Variants in SCPPPQ1 observed in about 807,000 individuals in gnomAD.
SCPPPQ1 encodes secretory calcium-binding phosphoprotein proline- and glutamine-rich 1.
At chr4:87,467,816 G>A in the SCPPPQ1 span, among the ~76,000 whole-genome samples, 36 of 152,278 alleles carry the variant, frequency 2.4e-4, no homozygotes, top group African/African-American at 7.0e-4. Flanking sequence ...TACCAGGGGC[G>A]GTTGCGGAGG....
At chr4:87,468,831 T>C in the SCPPPQ1 span, among the ~76,000 whole-genome samples, 6 of 152,320 alleles carry the variant, frequency 3.9e-5, no homozygotes, top group Non-Finnish European at 7.4e-5. Context: ...GCAATACAAA[T>C]TGTTTGGAAT....
chr4:87,468,744 G>A, the SCPPPQ1 span, among the ~76,000 whole-genome samples: 1 of 152,220 alleles, frequency 6.6e-6, no homozygotes, highest in Non-Finnish European at 1.5e-5. Context: ...TTTCAGAGCT[G>A]CTGAAATATC....
chr4:87,467,288 A>G, the SCPPPQ1 span, among the ~76,000 whole-genome samples: 1 of 152,238 alleles, frequency 6.6e-6, no homozygotes, highest in Non-Finnish European at 1.5e-5. Flanking sequence ...TATATAGAAT[A>G]AAGGCAACTC....
chr4:87,470,154 C>G, the SCPPPQ1 span, among the ~76,000 whole-genome samples: 1 of 151,564 alleles, frequency 6.6e-6, no homozygotes, highest in Non-Finnish European at 1.5e-5. Context: ...TGGGGTCTTG[C>G]TATGTTGCCC....
the SCPPPQ1 span, among the ~76,000 whole-genome samples, chr4:87,469,768 A>G: frequency 2.6e-5 from 4 of 152,232 alleles, no homozygotes; most frequent in East Asian, 3.9e-4. Flanking sequence ...GCCTCCAAAC[A>G]TAGGTTTTGT....
At chr4:87,470,253 A>G in the SCPPPQ1 span, among the ~76,000 whole-genome samples, 1 of 152,206 alleles carries the variant, frequency 6.6e-6, no homozygotes, top group South Asian at 2.1e-4. Context: ...GGTGTGAGCC[A>G]CTGTGCTCAA....
At chr4:87,469,196 A>G in the SCPPPQ1 span, among the ~76,000 whole-genome samples, 1 of 152,168 alleles carries the variant, frequency 6.6e-6, no homozygotes, top group Non-Finnish European at 1.5e-5. Context: ...CTCAATTCAA[A>G]CTGCTTAATT....
chr4:87,468,300 T>G, the SCPPPQ1 span, among the ~76,000 whole-genome samples: 31 of 152,372 alleles, frequency 2.0e-4, no homozygotes, highest in African/African-American at 7.5e-4. Context: ...TACATGAATA[T>G]TTCCTTTTGT....
At chr4:87,465,491 C>G in the SCPPPQ1 span, among the ~76,000 whole-genome samples, 2 of 142,778 alleles carry the variant, frequency 1.4e-5, no homozygotes, top group African/African-American at 2.7e-5. Context: ...TTAAGTATTT[C>G]CTAAGGAAGC....
chr4:87,464,182 T>A, the SCPPPQ1 span, among the ~76,000 whole-genome samples: 1 of 152,154 alleles, frequency 6.6e-6, no homozygotes, highest in Non-Finnish European at 1.5e-5. Context: ...TTTACCGCGA[T>A]AAGATCATTA....
the SCPPPQ1 span, among the ~76,000 whole-genome samples, chr4:87,468,588 A>T: frequency 6.6e-6 from 1 of 152,168 alleles, no homozygotes; most frequent in Non-Finnish European, 1.5e-5. Context: ...GAAGTTAATG[A>T]TGTTCTGGGA....
At chr4:87,461,066 T>G in the SCPPPQ1 span, 1 of 152,638 alleles carries the variant, frequency 6.6e-6, no homozygotes, top group Admixed American at 6.5e-5. Flanking sequence ...TAATATTCCC[T>G]TCATACTTAT....
the SCPPPQ1 span, among the ~76,000 whole-genome samples, chr4:87,466,262 C>T: frequency 2.0e-5 from 3 of 151,788 alleles, no homozygotes; most frequent in South Asian, 2.1e-4. Context: ...GGTGGCTACA[C>T]GGGAGGCTGA....
the SCPPPQ1 span, among the ~76,000 whole-genome samples, chr4:87,466,657 G>T: frequency 6.6e-6 from 1 of 152,250 alleles, no homozygotes; most frequent in East Asian, 1.9e-4. Context: ...TATAAAAACA[G>T]TTACACAAAA....
chr4:87,470,847 G>GT, the SCPPPQ1 span, among the ~76,000 whole-genome samples: 2 of 151,834 alleles, frequency 1.3e-5, no homozygotes, highest in East Asian at 1.9e-4. Context: ...CCTTTTTCAT[G>GT]TTTTTTCTTT....
chr4:87,468,787 A>T, the SCPPPQ1 span, among the ~76,000 whole-genome samples: 1 of 152,256 alleles, frequency 6.6e-6, no homozygotes, highest in Non-Finnish European at 1.5e-5. Context: ...TGAAATATGT[A>T]TACTGCAGCA....
chr4:87,465,209 C>T, the SCPPPQ1 span, among the ~76,000 whole-genome samples: 3 of 152,124 alleles, frequency 2.0e-5, no homozygotes, highest in Admixed American at 2.0e-4. Context: ...AAAGGGCAGA[C>T]ATGGAGCTTA....
the SCPPPQ1 span, among the ~76,000 whole-genome samples, chr4:87,469,947 CTTTTTTTTTTTT>C: frequency 8.7e-6 from 1 of 114,964 alleles, no homozygotes. Context: ...ACACACAAAT[CTTTTTTTTTTTT>C]TTTTTTTTTT....
chr4:87,463,444 CTG>C, the SCPPPQ1 span, among the ~76,000 whole-genome samples: 2 of 151,962 alleles, frequency 1.3e-5, no homozygotes, highest in Admixed American at 6.5e-5. Flanking sequence ...CAATGAGTAA[CTG>C]TGAAGGAAGA....
Sources: allele counts gnomAD v4.1 joint callset (sites outside exome capture counted in the v4.1 genomes callset), GRCh38; gene constraint gnomAD v4.1.1; transcripts MANE v1.5; gene names NCBI Gene and HGNC (gene_info 2026-07-23, HGNC 2026-07-21).